Variants in KANK1 observed in about 807,000 individuals in gnomAD.
KANK1 encodes the protein KN motif and ankyrin repeat domains 1, also known as KN motif and ankyrin repeat domain-containing protein 1.
A neutral mutation model predicts 106.2 loss-of-function variants in KANK1; 109 were observed. That is an observed-to-expected ratio of 1.03 (90% confidence interval 0.88 to 1.20). The LOEUF (loss-of-function observed/expected upper bound fraction) is 1.20, where lower values mean the gene tolerates loss of function less well. Ranked by LOEUF, KANK1 falls within the 50% of genes most tolerant of loss-of-function variation. KANK1 has a pLI of 0.00. For synonymous variants in KANK1, 873 were observed against 652.2 expected, an observed-to-expected ratio of 1.34 and a Z score of -5.16; for missense variants, 2,399 against 1,710.7, an observed-to-expected ratio of 1.40 and a Z score of -7.10.
intron 1 of KANK1, among the ~76,000 whole-genome samples, chr9:522,046 G>C (rs2059577429): frequency 6.6e-6 from 1 of 151,650 alleles, no homozygotes; most frequent in South Asian, 2.1e-4. Context: ...ATTAGAAAAT[G>C]TTGGCACATT....
chr9:690,082 G>A, intron 2 of KANK1, among the ~76,000 whole-genome samples: 7 of 138,482 alleles, frequency 5.1e-5, no homozygotes, highest in Non-Finnish European at 1.1e-4. Context: ...GAGGTCAGGA[G>A]TTTGAGACCA....
At chr9:710,647 A>AAAAAT (rs1825767560) in intron 2 of KANK1, among the ~76,000 whole-genome samples, 157 bp from the exon 3 acceptor site, 1 of 148,238 alleles carries the variant, frequency 6.7e-6, no homozygotes. Flanking sequence ...AAACAAAAAA[A>AAAAAT]ACTTGCTTAC....
At chr9:504,278 T>C (rs1357697521), upstream of KANK1, among the ~76,000 whole-genome samples, 2 of 152,042 alleles carry the variant, frequency 1.3e-5, no homozygotes, top group Admixed American at 6.5e-5. Flanking sequence ...TAAATACGGG[T>C]TGGCAGAAGG....
At chr9:496,075 T>C (rs1344892251) in intron 3 of KANK1, among the ~76,000 whole-genome samples, 1 of 152,178 alleles carries the variant, frequency 6.6e-6, no homozygotes, top group Admixed American at 6.5e-5. Flanking sequence ...AAATTCTGCC[T>C]CTACCACTTG....
At chr9:732,754 C>T in intron 6 of KANK1, 137 bp downstream of exon 6, 1 of 911,196 alleles carries the variant, frequency 1.1e-6, no homozygotes, top group Non-Finnish European at 1.7e-6. Flanking sequence ...TCTTGAGATA[C>T]TAATATATAC....
intron 1 of KANK1, among the ~76,000 whole-genome samples, chr9:618,887 C>T (rs528257893): frequency 1.3e-5 from 2 of 152,044 alleles, no homozygotes; most frequent in Non-Finnish European, 2.9e-5. Flanking sequence ...TGGCTCCTCA[C>T]GAGCCTTAAA....
chr9:555,296 A>G (rs1003390571), intron 1 of KANK1, among the ~76,000 whole-genome samples: 6 of 152,160 alleles, frequency 3.9e-5, no homozygotes, highest in African/African-American at 1.4e-4. Context: ...AGCCATCACC[A>G]CTATTGGGAA....
At chr9:684,640 G>A (rs571239705) in intron 2 of KANK1, 1 of 922,276 alleles carries the variant, frequency 1.1e-6, no homozygotes, top group African/African-American at 1.8e-5. Flanking sequence ...GGGTGGGCTA[G>A]CTGAGCCCAT....
intron 1 of KANK1, among the ~76,000 whole-genome samples, chr9:597,386 A>T (rs1198478156): frequency 1.3e-5 from 2 of 149,234 alleles, no homozygotes; most frequent in Admixed American, 6.6e-5. Flanking sequence ...TTCCCTTTTT[A>T]AAAAAATTAT....
intron 1 of KANK1, among the ~76,000 whole-genome samples, chr9:586,926 T>C (rs1299742937): frequency 2.0e-5 from 3 of 152,238 alleles, no homozygotes; most frequent in Non-Finnish European, 4.4e-5. Context: ...CAGTCTCTAG[T>C]ATTGATTCCC....
At position 695,608 on chromosome 9, in the gene KANK1, TG is replaced by T. The variant is rs1238373813; in HGVS notation, c.38-15185del. On this transcript the variant is annotated intron_variant, in intron 2 of 11. Transcript: ENST00000382297. The stretch of plus-strand genomic sequence containing the variant: ...ACAAATACCTTAAACCCTGACTTCG[TG>T]GGGGGGGGGGCAAGGTATAGAGGAG... Among the ~76,000 whole-genome samples the T allele has an allele frequency of 2.2e-3, 304 of 137,586 alleles. 4 individuals carry two copies. Among genetic ancestry groups the T allele is most frequent in the African/African-American group, 7.2e-3 (262 of 36,422 alleles). 90.3% of individuals were successfully genotyped at this position (137,586 alleles called of 152,430 possible).
chr9:524,538 A>G (rs2059695047), intron 1 of KANK1, among the ~76,000 whole-genome samples: 1 of 151,408 alleles, frequency 6.6e-6, no homozygotes, highest in Non-Finnish European at 1.5e-5. Context: ...TTGTTTTTGA[A>G]ACTGTGTCTT....
At chr9:693,025 A>G (rs1433169812) in intron 2 of KANK1, among the ~76,000 whole-genome samples, 1 of 148,350 alleles carries the variant, frequency 6.7e-6, no homozygotes, top group African/African-American at 2.5e-5. Flanking sequence ...TTTTTTTTTT[A>G]GGTAATGAAT....
chr9:632,922 G>A (rs973190384), intron 1 of KANK1, among the ~76,000 whole-genome samples: 1 of 152,030 alleles, frequency 6.6e-6, no homozygotes, highest in African/African-American at 2.4e-5. Context: ...TGGAACTCCT[G>A]ACCTCAGGTG....
chr9:558,785 G>A (rs773870558), intron 1 of KANK1: 1 of 152,002 alleles, frequency 6.6e-6, no homozygotes, highest in African/African-American at 2.4e-5. Context: ...TTTGGCTTCA[G>A]CTGGGTACAT....
Position 711,887 on chromosome 9 carries a change from T to C in KANK1, c.1121T>C (p.Met374Thr). The C allele has an allele frequency of 1.9e-6, 3 of 1,614,106 alleles. No homozygotes were observed. The highest frequency in any genetic ancestry group is 1.7e-6 in the Non-Finnish European group (2 of 1,180,024). Residue 374 changes from methionine (M) to threonine (T), a missense_variant, in exon 3 of 12, where the codon ATG (methionine) becomes ACG (threonine). Coordinates refer to ENST00000382297, the MANE Select transcript of KANK1 (RefSeq NM_015158.5). ...IKEFRQLTAD[M>T]QALEQKIQDS... The stretch of plus-strand genomic sequence containing the variant: ...GAGTTCCGGCAACTTACAGCAGACA[T>C]GCAAGCCCTGGAGCAGAAGATCCAG...
intron 1 of KANK1, among the ~76,000 whole-genome samples, chr9:615,895 C>G (rs1469511657): frequency 6.6e-6 from 1 of 152,158 alleles, no homozygotes; most frequent in Non-Finnish European, 1.5e-5. Flanking sequence ...TACTTCTGGT[C>G]CTTGGTATGC....
intron 7 of KANK1, among the ~76,000 whole-genome samples, chr9:737,050 T>C (rs1833985618): frequency 6.6e-6 from 1 of 152,154 alleles, no homozygotes; most frequent in African/African-American, 2.4e-5. Context: ...GGTGTGAAAG[T>C]GTTTAAAGTA....
intron 1 of KANK1, among the ~76,000 whole-genome samples, chr9:537,524 T>C (rs1030148345): frequency 2.6e-5 from 4 of 152,172 alleles, no homozygotes; most frequent in African/African-American, 7.2e-5. Flanking sequence ...GCTCTTTTTT[T>C]CTCTTGAGAT....
Sources: allele counts gnomAD v4.1 joint callset (sites outside exome capture counted in the v4.1 genomes callset), GRCh38; gene constraint gnomAD v4.1.1; transcripts MANE v1.5; gene names NCBI Gene and HGNC (gene_info 2026-07-23, HGNC 2026-07-21).